ANGPT1: variants seen among roughly 807,000 people sequenced by gnomAD.
ANGPT1 encodes the protein angiopoietin 1, also known as angiopoietin-1.
Under a neutral mutation model 62.2 loss-of-function variants are expected in ANGPT1, and 17 were observed. That is an observed-to-expected ratio of 0.27 (90% CI 0.19 to 0.41). The LOEUF is 0.41. Ranked by LOEUF, ANGPT1 falls within the 10% of genes least tolerant of loss-of-function variation. The pLI is 1.00. For missense variants in ANGPT1, 478 were observed against 594.9 expected (o/e 0.80, Z 2.04); for synonymous variants, 199 against 198.9 (o/e 1.00, Z 0.00).
At chr8:107,464,067 A>T (rs1812140349) in intron 1 of ANGPT1, among the ~76,000 whole-genome samples, 1 of 152,174 alleles carries the variant, frequency 6.6e-6, no homozygotes, top group South Asian at 2.1e-4. Flanking sequence ...TGTGGTGAGT[A>T]AGAACATAAA....
chr8:107,292,160 C>A (rs1240187155), intron 6 of ANGPT1, among the ~76,000 whole-genome samples: 1 of 152,132 alleles, frequency 6.6e-6, no homozygotes, highest in East Asian at 1.9e-4. Flanking sequence ...GCTCTACTAT[C>A]ACCTACCTCC....
intron 1 of ANGPT1, among the ~76,000 whole-genome samples, chr8:107,436,067 T>G (rs574541092): frequency 7.9e-4 from 121 of 152,232 alleles, no homozygotes; most frequent in Non-Finnish European, 1.3e-3. Context: ...CATGCTTGTC[T>G]AATTTTAAAA....
rs117874745 is a variant in ANGPT1 at position 107,416,615 on chromosome 8, A to G, written c.298-69518T>C. Among the ~76,000 whole-genome samples, 579 of 152,232 alleles carry G rather than the reference A, an allele frequency of 3.8e-3. 4 individuals carry two copies. Among genetic ancestry groups the G allele is most frequent in the Non-Finnish European group, 6.4e-3 (434 of 68,014 alleles). On this transcript the variant is annotated intron_variant, in intron 1 of 8. Coordinates refer to ENST00000517746, the MANE Select transcript of ANGPT1 (RefSeq NM_001146.5). The stretch of plus-strand genomic sequence containing the variant: ...AGGATTGAAGCATGGACAACCATGT[A>G]GAAGTGTGATTGGACAAAAAGGGTA...
At chr8:107,399,113 G>A (rs992646165) in intron 1 of ANGPT1, among the ~76,000 whole-genome samples, 4 of 152,054 alleles carry the variant, frequency 2.6e-5, no homozygotes, top group Non-Finnish European at 4.4e-5. Context: ...TGTCACAATC[G>A]GTGGGTATTA....
At chr8:107,279,763 T>A (rs199885323) in intron 7 of ANGPT1, among the ~76,000 whole-genome samples, 1 of 62,306 alleles carries the variant, frequency 1.6e-5, no homozygotes, top group African/African-American at 7.0e-5. Flanking sequence ...ACACACACAC[T>A]CAAAGGAAGG....
intron 1 of ANGPT1, among the ~76,000 whole-genome samples, chr8:107,440,927 C>T (rs887941424): frequency 1.3e-5 from 2 of 152,188 alleles, no homozygotes; most frequent in African/African-American, 4.8e-5. Flanking sequence ...AAGAGATACT[C>T]TTTCCAAATC....
chr8:107,481,825 A>G (rs552031569), intron 1 of ANGPT1, among the ~76,000 whole-genome samples: 13 of 152,264 alleles, frequency 8.5e-5, no homozygotes, highest in African/African-American at 3.1e-4. Flanking sequence ...CTATCGTGAG[A>G]ACTCACCCAC....
chr8:107,258,908 T>G (rs981071205), intron 8 of ANGPT1, among the ~76,000 whole-genome samples: 7 of 152,128 alleles, frequency 4.6e-5, no homozygotes, highest in Admixed American at 2.0e-4. Flanking sequence ...AATTTGTAAT[T>G]TTGCAATGTC....
At chr8:107,287,744 C>A (rs1254198019) in intron 6 of ANGPT1, among the ~76,000 whole-genome samples, 1 of 152,124 alleles carries the variant, frequency 6.6e-6, no homozygotes. Context: ...TCTCTGGCTC[C>A]AGATTAAAGC....
intron 1 of ANGPT1, among the ~76,000 whole-genome samples, chr8:107,407,160 G>A (rs982759790): frequency 2.6e-5 from 4 of 151,990 alleles, no homozygotes; most frequent in East Asian, 1.9e-4. Flanking sequence ...CTCAGTAGGC[G>A]GATTTTATTT....
chr8:107,286,219 T>C (rs564195697), intron 6 of ANGPT1, among the ~76,000 whole-genome samples: 4 of 152,292 alleles, frequency 2.6e-5, no homozygotes, highest in African/African-American at 7.2e-5. Context: ...AACCCATTTA[T>C]GCCAGTTCAG....
chr8:107,368,255 C>T (rs1218768490), intron 1 of ANGPT1, among the ~76,000 whole-genome samples: 1 of 152,090 alleles, frequency 6.6e-6, no homozygotes, highest in Non-Finnish European at 1.5e-5. Context: ...GGTGCATTGT[C>T]AATGAACAGT....
chr8:107,486,856 T>G (rs1327231670), intron 1 of ANGPT1, among the ~76,000 whole-genome samples: 3 of 152,164 alleles, frequency 2.0e-5, no homozygotes, highest in African/African-American at 7.2e-5. Flanking sequence ...TCTGTTTCAG[T>G]GGGTTTAGGC....
At chr8:107,340,692 C>T (rs1412352729) in intron 2 of ANGPT1, among the ~76,000 whole-genome samples, 1 of 149,396 alleles carries the variant, frequency 6.7e-6, no homozygotes, top group Non-Finnish European at 1.5e-5. Flanking sequence ...CAGGGCTCTG[C>T]CATGTTGCCC....
At chr8:107,383,918 C>G (rs1222611325) in intron 1 of ANGPT1, among the ~76,000 whole-genome samples, 2 of 152,098 alleles carry the variant, frequency 1.3e-5, no homozygotes, top group Admixed American at 6.6e-5. Flanking sequence ...CCTCACCTTT[C>G]TGTAATCTAA....
intron 2 of ANGPT1, among the ~76,000 whole-genome samples, chr8:107,343,168 TCCAAACGGCAG>T (rs1815732391): frequency 6.6e-6 from 1 of 151,918 alleles, no homozygotes; most frequent in African/African-American, 2.4e-5. Flanking sequence ...GCTATTGAGG[TCCAAACGGCAG>T]ATGTAATCAT....
At chr8:107,261,129 T>C (rs1813480936) in intron 8 of ANGPT1, among the ~76,000 whole-genome samples, 1 of 152,202 alleles carries the variant, frequency 6.6e-6, no homozygotes, top group Non-Finnish European at 1.5e-5. Context: ...TATTTCAATA[T>C]TAAAATGTGC....
At chr8:107,489,883 G>C (rs1812912886) in intron 1 of ANGPT1, among the ~76,000 whole-genome samples, 1 of 151,092 alleles carries the variant, frequency 6.6e-6, no homozygotes, top group Non-Finnish European at 1.5e-5. Flanking sequence ...GGATGACTCA[G>C]AATGTAATTA....
intron 1 of ANGPT1, among the ~76,000 whole-genome samples, chr8:107,379,577 T>C (rs2130268243): frequency 6.6e-6 from 1 of 151,222 alleles, no homozygotes; most frequent in South Asian, 2.1e-4. Flanking sequence ...AAACAGAAAA[T>C]GATTGTGGTT....
Sources: gnomAD v4.1 joint callset for allele counts (sites outside exome capture counted in the v4.1 genomes callset) on GRCh38, gnomAD v4.1.1 for gene constraint, MANE v1.5 for transcripts, NCBI Gene and HGNC (gene_info 2026-07-23, HGNC 2026-07-21) for gene names.